The following ROBO2 variants were observed in gnomAD, a reference collection of about 807,000 sequenced individuals.
ROBO2 encodes the protein roundabout guidance receptor 2, also known as roundabout homolog 2.
ROBO2 carries 53 observed loss-of-function variants against 160.8 expected under a neutral mutation model. That is an observed-to-expected ratio of 0.33 (90% CI 0.26 to 0.41). ROBO2 has a LOEUF of 0.41. Ranked by LOEUF, ROBO2 falls within the 10% of genes least tolerant of loss-of-function variation. The pLI is 1.00. For missense variants in ROBO2, 1,577 were observed against 1,722.4 expected, an observed-to-expected ratio of 0.92 and a Z score of 1.49; for synonymous variants, 664 against 611.7, an observed-to-expected ratio of 1.09 and a Z score of -1.26.
intron 2 of ROBO2, among the ~76,000 whole-genome samples, chr3:76,707,742 T>TATAC (rs1419593604): frequency 4.2e-5 from 6 of 143,626 alleles, no homozygotes; most frequent in Non-Finnish European, 9.1e-5. Context: ...TATATATATA[T>TATAC]ATATATATAT....
At chr3:77,389,904 G>T (rs932438160) in intron 2 of ROBO2, among the ~76,000 whole-genome samples, 1 of 152,124 alleles carries the variant, frequency 6.6e-6, no homozygotes, top group East Asian at 1.9e-4. Flanking sequence ...CTCCTCCACT[G>T]TGTGGAAGCC....
intron 21 of ROBO2, 104 bp downstream of exon 22, chr3:77,608,058 C>G (rs371796480): frequency 1.3e-5 from 14 of 1,063,640 alleles, no homozygotes; most frequent in Non-Finnish European, 2.0e-5. Context: ...CCTTTGCCCC[C>G]CACCACCATG....
intron 2 of ROBO2, among the ~76,000 whole-genome samples, chr3:76,182,110 G>A (rs1438161470): frequency 6.6e-6 from 1 of 152,172 alleles, no homozygotes; most frequent in Non-Finnish European, 1.5e-5. Context: ...AGATAATTGA[G>A]TTGTAGCAGC....
intron 2 of ROBO2, among the ~76,000 whole-genome samples, chr3:77,221,836 T>TCTTTTCTTTTTCTTTTTC (rs2085841118): frequency 6.6e-6 from 1 of 151,592 alleles, no homozygotes; most frequent in African/African-American, 2.4e-5. Flanking sequence ...TTTTCTTTTT[T>TCTTTTCTTTTTCTTTTTC]CTTTTCTTTT....
intron 2 of ROBO2, among the ~76,000 whole-genome samples, chr3:76,812,959 A>C (rs928749957): frequency 6.9e-6 from 1 of 144,598 alleles, no homozygotes; most frequent in Non-Finnish European, 1.5e-5. Flanking sequence ...CATGACACAA[A>C]TCAAAAAGAC....
At chr3:77,100,313 C>T (rs1255420901) in intron 2 of ROBO2, among the ~76,000 whole-genome samples, 6 of 151,994 alleles carry the variant, frequency 3.9e-5, no homozygotes, top group Non-Finnish European at 8.8e-5. Flanking sequence ...TTTCTAATGC[C>T]ATGTCAACAG....
chr3:77,620,416 T>A (rs2094877539), intron 22 of ROBO2, among the ~76,000 whole-genome samples: 1 of 152,212 alleles, frequency 6.6e-6, no homozygotes, highest in South Asian at 2.1e-4. Flanking sequence ...CATTTTTTAT[T>A]CCATCAAGGT....
intron 2 of ROBO2, among the ~76,000 whole-genome samples, chr3:77,110,914 A>C (rs1170065506): frequency 1.3e-5 from 2 of 152,036 alleles, no homozygotes; most frequent in Admixed American, 1.3e-4. Flanking sequence ...GACTGGTCTC[A>C]AACTTTTGAG....
chr3:76,490,118 T>C, intron 2 of ROBO2, among the ~76,000 whole-genome samples: 1 of 152,234 alleles, frequency 6.6e-6, no homozygotes, highest in East Asian at 1.9e-4. Flanking sequence ...CTTTTGTTCC[T>C]TAAAATGTCA....
At chr3:77,145,232 T>G (rs1264849259) in intron 2 of ROBO2, among the ~76,000 whole-genome samples, 1 of 152,162 alleles carries the variant, frequency 6.6e-6, no homozygotes, top group African/African-American at 2.4e-5. Flanking sequence ...ACAAAGGAGT[T>G]CTAAGTAAAA....
intron 2 of ROBO2, among the ~76,000 whole-genome samples, chr3:76,335,670 C>T (rs368800773): frequency 2.6e-5 from 4 of 151,366 alleles, no homozygotes; most frequent in Non-Finnish European, 5.9e-5. Flanking sequence ...CTCCACCTCC[C>T]GGGTTCACGC....
intron 2 of ROBO2, among the ~76,000 whole-genome samples, chr3:76,647,946 A>T (rs923246968): frequency 3.3e-5 from 5 of 152,226 alleles, no homozygotes; most frequent in Non-Finnish European, 7.3e-5. Flanking sequence ...ATTAGCACGA[A>T]AGACAGCCTT....
chr3:77,455,119 G>T (rs1369799755), intron 2 of ROBO2, among the ~76,000 whole-genome samples: 1 of 152,178 alleles, frequency 6.6e-6, no homozygotes, highest in Admixed American at 6.5e-5. Context: ...CTCTAATGCT[G>T]ACCCCAAAAC....
intron 19 of ROBO2, among the ~76,000 whole-genome samples, chr3:77,600,186 G>C (rs2094402917): frequency 6.6e-6 from 1 of 152,158 alleles, no homozygotes; most frequent in Non-Finnish European, 1.5e-5. Context: ...CTAGCCTGTT[G>C]GGAGGAAGGC....
chr3:76,341,097 A>G (rs1029129617), intron 2 of ROBO2, among the ~76,000 whole-genome samples: 2 of 152,108 alleles, frequency 1.3e-5, no homozygotes, highest in Non-Finnish European at 2.9e-5. Flanking sequence ...TTCCCCTTCA[A>G]TTAAACAAAT....
intron 1 of ROBO2, among the ~76,000 whole-genome samples, chr3:77,085,678 A>G (rs2069206489): frequency 6.6e-6 from 1 of 151,930 alleles, no homozygotes. Flanking sequence ...AAATAAGCCA[A>G]CTCGATTATG....
rs187361701 is a variant in ROBO2 at position 77,570,831 on chromosome 3, G to A, written c.1971+2397G>A. 3.0e-3 allele frequency among the ~76,000 whole-genome samples: 462 copies of A among 152,036 alleles called. 2 individuals carry two copies. Among genetic ancestry groups the A allele is most frequent in the African/African-American group, 9.5e-3 (395 of 41,504 alleles). ...TCCCCACCATGTGATTAGGTTTTGGGCCAGCTGAGGAAGTTTCCCAGTGGT... is the reference window on the plus strand; with the variant it reads ...TCCCCACCATGTGATTAGGTTTTGGACCAGCTGAGGAAGTTTCCCAGTGGT... On this transcript the variant is annotated intron_variant, in intron 13 of 25. Coordinates refer to ENST00000461745, the Ensembl canonical transcript of ROBO2.
At chr3:76,632,864 A>C (rs191902362) in intron 2 of ROBO2, among the ~76,000 whole-genome samples, 2 of 152,200 alleles carry the variant, frequency 1.3e-5, no homozygotes, top group Non-Finnish European at 2.9e-5. Context: ...TTGCTGGAGG[A>C]TCCATTGCTG....
intron 2 of ROBO2, among the ~76,000 whole-genome samples, chr3:76,216,386 C>A (rs1345684676): frequency 6.6e-6 from 1 of 152,076 alleles, no homozygotes; most frequent in Non-Finnish European, 1.5e-5. Flanking sequence ...AGAGTCAAGA[C>A]CCATCAGTGT....
Sources: gnomAD v4.1 joint callset for allele counts (sites outside exome capture counted in the v4.1 genomes callset) on GRCh38, gnomAD v4.1.1 for gene constraint, MANE v1.5 for transcripts, NCBI Gene and HGNC (gene_info 2026-07-23, HGNC 2026-07-21) for gene names.